DNAH5: variants seen among roughly 807,000 people sequenced by gnomAD.
DNAH5 encodes the protein dynein axonemal heavy chain 5.
A neutral mutation model predicts 518.2 loss-of-function variants in DNAH5; 372 were observed. The observed-to-expected ratio is 0.72, with a 90% CI of 0.66 to 0.78. The LOEUF is 0.78. DNAH5 is among the 30% of genes least tolerant of loss of function. The pLI is 0.00. For missense variants in DNAH5, 5,523 were observed against 5,687.0 expected, an observed-to-expected ratio of 0.97 and a Z score of 0.93; for synonymous variants, 2,039 against 2,025.9, an observed-to-expected ratio of 1.01 and a Z score of -0.17.
chr5:14,009,063 T>C (rs186617298), intron 1 of DNAH5, among the ~76,000 whole-genome samples: 136 of 152,320 alleles, frequency 8.9e-4, no homozygotes, highest in African/African-American at 2.9e-3. Context: ...AACTCACTCT[T>C]GAGTTGAAGC....
At chr5:13,854,986 A>T (rs1440044099) in intron 30 of DNAH5, among the ~76,000 whole-genome samples, 2 of 152,156 alleles carry the variant, frequency 1.3e-5, no homozygotes, top group African/African-American at 2.4e-5. Context: ...TAACCTAAAA[A>T]TTTTCAAATG....
At chr5:13,964,532 G>A (rs557047651) in intron 1 of DNAH5, among the ~76,000 whole-genome samples, 3 of 152,358 alleles carry the variant, frequency 2.0e-5, no homozygotes, top group South Asian at 4.1e-4. Flanking sequence ...ACTGGAGGAC[G>A]TGGACTCCAG....
intron 76 of DNAH5, among the ~76,000 whole-genome samples, chr5:13,704,255 G>T (rs1458115092): frequency 6.6e-6 from 1 of 152,104 alleles, no homozygotes; most frequent in Admixed American, 6.5e-5. Context: ...TTTTATTACT[G>T]GGGGTAGCAG....
intron 10 of DNAH5, 123 bp downstream of exon 10, chr5:13,914,397 A>C: frequency 8.3e-7 from 1 of 1,200,356 alleles, no homozygotes; most frequent in African/African-American, 1.5e-5. Flanking sequence ...CATTTTCTTC[A>C]TAGTTAAGAA....
chr5:13,758,574 A>G (rs1313899512), intron 61 of DNAH5, among the ~76,000 whole-genome samples: 1 of 152,208 alleles, frequency 6.6e-6, no homozygotes, highest in Non-Finnish European at 1.5e-5. Context: ...AAATGGGAGG[A>G]CATGATTTGA....
intron 38 of DNAH5, among the ~76,000 whole-genome samples, chr5:13,825,346 A>AAAATAAATAAATAAATAAAT (rs143083505): frequency 0.012 from 1,850 of 150,596 alleles, 23 homozygotes; most frequent in East Asian, 0.058. Flanking sequence ...TGTCTTGCAA[A>AAAATAAATAAATAAATAAAT]AAATAAATAA....
At chr5:13,946,974 C>T (rs1367770801), upstream of DNAH5, among the ~76,000 whole-genome samples, 2 of 152,114 alleles carry the variant, frequency 1.3e-5, no homozygotes, top group Admixed American at 6.5e-5. Context: ...ATGCAACACT[C>T]GGAATGAAAA....
rs772481807 is a variant in DNAH5 at position 13,758,866 on chromosome 5, G to A, written c.10399C>T (p.Gln3467Ter). 1.2e-6 allele frequency: 2 copies of A among 1,614,174 alleles called. No homozygotes were observed. The highest frequency in any genetic ancestry group is 1.1e-5 in the South Asian group (1 of 91,082). Reference sequence around the variant, plus strand: ...GTTACCTGCTTTTCAGTCATGGCCTGTTCATACTCAGCCTGCACCACGTCA... The same window carrying A: ...GTTACCTGCTTTTCAGTCATGGCCTATTCATACTCAGCCTGCACCACGTCA... ...ELDVVQAEYE[Q>*]AMTEKQTLLE... The change falls in exon 61 of 79, where the codon CAG becomes TAG. Residue 3467 changes from glutamine (Q) to a stop codon, truncating the protein, a stop_gained. Coordinates refer to ENST00000265104, the MANE Select transcript of DNAH5 (RefSeq NM_001369.3). LOFTEE classifies it high-confidence loss of function.
intron 1 of DNAH5, among the ~76,000 whole-genome samples, chr5:13,933,593 C>T (rs1193892366): frequency 1.3e-5 from 2 of 152,124 alleles, no homozygotes; most frequent in African/African-American, 4.8e-5. Context: ...GAGTTCAAGA[C>T]CAGCCTGGCC....
At chr5:13,724,722 G>A (rs1244998797) in intron 70 of DNAH5, among the ~76,000 whole-genome samples, 1 of 152,172 alleles carries the variant, frequency 6.6e-6, no homozygotes, top group Non-Finnish European at 1.5e-5. Context: ...TCATGAGAGT[G>A]AGTGAGTTCT....
chr5:13,911,219 G>A, intron 12 of DNAH5, 167 bp downstream of exon 12: 1 of 652,464 alleles, frequency 1.5e-6, no homozygotes, highest in South Asian at 1.8e-5. Context: ...ATGAAAAACA[G>A]CCTTCAATTA....
chr5:13,762,840 A>T lies in DNAH5; in HGVS notation c.10163T>A (p.Met3388Lys). Residue 3388 changes from methionine (M) to lysine (K), a missense_variant, in exon 60 of 79, where the codon ATG becomes AAG. By Grantham distance (95) the Met-to-Lys change is moderately conservative. Coordinates refer to ENST00000265104, the MANE Select transcript of DNAH5 (RefSeq NM_001369.3). Reference protein sequence around the residue: ...VIEFLSPYFEMPDYNIETAKR... With the variant: ...VIEFLSPYFEKPDYNIETAKR... The stretch of plus-strand genomic sequence containing the variant: ...AGCAGTTTCGATGTTATAGTCAGGC[A>T]TTTCAAAGTAAGGACTCAAAAATTC... 3.7e-6 allele frequency: 6 copies of T among 1,614,084 alleles called. No homozygotes were observed. The highest frequency in any genetic ancestry group is 1.3e-5 in the African/African-American group (1 of 75,074).
chr5:13,858,136 C>G (rs567639032), intron 30 of DNAH5, among the ~76,000 whole-genome samples: 1 of 152,182 alleles, frequency 6.6e-6, no homozygotes, highest in Non-Finnish European at 1.5e-5. Context: ...TATTGCAACA[C>G]TGTTCACAAA....
At chr5:13,890,092 G>A (rs1772984862) in intron 17 of DNAH5, among the ~76,000 whole-genome samples, 1 of 152,138 alleles carries the variant, frequency 6.6e-6, no homozygotes, top group African/African-American at 2.4e-5. Context: ...AAATGTGTTG[G>A]AGAAATAATG....
intron 64 of DNAH5, 95 bp from the exon 65 acceptor site, chr5:13,751,355 A>G (rs897614432): frequency 2.5e-6 from 3 of 1,187,176 alleles, no homozygotes; most frequent in Non-Finnish European, 3.6e-6. Context: ...AAATAATTAC[A>G]TAATTGGAGA....
Position 13,830,002 on chromosome 5 carries a change from G to C in DNAH5, c.6249+24C>G, listed in dbSNP as rs564454470. On this transcript the variant is annotated intron_variant, in intron 37 of 78. Coordinates refer to ENST00000265104, the MANE Select transcript of DNAH5 (RefSeq NM_001369.3). ...ATTGTGATAAGAAGGCTGAAATTCA[G>C]TAGCTTTTCTAGCAGCTCCTTACCA... 7.2e-5 allele frequency: 116 copies of C among 1,602,924 alleles called. 2 individuals carry two copies. The South Asian group carries it at 1.2e-3, about 16-fold the overall frequency.
chr5:14,005,661 T>C (rs1379866985), intron 1 of DNAH5, among the ~76,000 whole-genome samples: 1 of 152,264 alleles, frequency 6.6e-6, no homozygotes, highest in African/African-American at 2.4e-5. Context: ...AAAGACTTTT[T>C]GAAAGACCAA....
intron 70 of DNAH5, among the ~76,000 whole-genome samples, chr5:13,725,282 T>C (rs1299793198): frequency 6.6e-6 from 1 of 152,218 alleles, no homozygotes; most frequent in Non-Finnish European, 1.5e-5. Flanking sequence ...AAGCTGTTGC[T>C]TGGATGATGA....
At chr5:13,704,287 T>C (rs1742504364) in intron 76 of DNAH5, among the ~76,000 whole-genome samples, 1 of 142,772 alleles carries the variant, frequency 7.0e-6, no homozygotes, top group African/African-American at 3.0e-5. Context: ...CCACACACTC[T>C]CTTCTGCTCC....
Sources: allele counts gnomAD v4.1 joint callset (sites outside exome capture counted in the v4.1 genomes callset), GRCh38; gene constraint gnomAD v4.1.1; transcripts MANE v1.5; gene names NCBI Gene and HGNC (gene_info 2026-07-23, HGNC 2026-07-21).